ITGB4: variants seen among roughly 807,000 people sequenced by gnomAD.
ITGB4 encodes integrin subunit beta 4.
ITGB4 carries 159 observed loss-of-function variants against 207.6 expected under a neutral mutation model. The ratio of observed to expected loss-of-function variants is 0.77; its 90% CI spans 0.67 to 0.87. The LOEUF is 0.87. ITGB4 is among the 40% of genes least tolerant of loss of function. The pLI is 0.00. For synonymous variants in ITGB4, 1,020 were observed against 1,062.7 expected (o/e 0.96, Z 0.78); for missense variants, 2,278 against 2,546.8 (o/e 0.89, Z 2.27).
rs945785386 is a variant in ITGB4, at chr17:75,728,916, G to A, written c.567-349G>A. 4.0e-5 allele frequency among the ~76,000 whole-genome samples: 6 copies of A among 150,680 alleles called. No homozygotes were observed. In the East Asian group the frequency reaches 9.8e-4, roughly 25 times the overall value. ...GGAGAATGGCGTGAACCCGGGAGGC[G>A]GAGCTTGCAATGAGCCAGGATTGCG... On this transcript the variant is annotated intron_variant, in intron 6 of 39. Coordinates refer to ENST00000200181, the MANE Select transcript of ITGB4 (RefSeq NM_000213.5).
Position 75,753,852 on chromosome 17 carries a change from G to T in ITGB4, c.4196G>T (p.Arg1399Leu), listed in dbSNP as rs762521380. 1.4e-6 allele frequency: 2 copies of T among 1,393,880 alleles called. No individual in the cohort carries two copies. The highest frequency in any genetic ancestry group is 3.4e-5 in the South Asian group (2 of 58,774). The allele number at this position is 1,393,880 out of a possible 1,614,324, so 86.3% of individuals were successfully genotyped here. A position where few individuals can be genotyped will look rare whatever the true frequency, so the allele number is the denominator to read the frequency against. The change falls in exon 33 of 40, where the codon CGC becomes CTC. Residue 1399 changes from arginine to leucine, a missense_variant. Transcript: ENST00000200181. ...CGGCTGCCCCCGGAGCTCATCCCGC[G>T]CCTGTCGGCCAGCAGCGGGCGCTCC... The part of the protein sequence containing the change: ...TWRLPPELIP[R>L]LSASSGRSSD...
In ITGB4 at chr17:75,743,749, C is replaced by T. The variant is rs760686552; in HGVS notation, c.2999C>T (p.Ser1000Leu). ...DVVSFEQPEF[S>L]VSRGDQVARI... ...GTGTCCTTTGAGCAGCCTGAGTTCT[C>T]GGTCAGCCGCGGGGACCAGGTGGCC... Residue 1000 changes from serine to leucine, a missense_variant, in exon 26 of 40, where the codon TCG (serine) becomes TTG (leucine). By Grantham distance (145) the Ser-to-Leu change is moderately radical (BLOSUM62 -2). Transcript: ENST00000200181. 17 of 1,613,424 alleles carry T rather than the reference C, an allele frequency of 1.1e-5. No individual in the cohort carries two copies. The highest frequency in any genetic ancestry group is 3.3e-5 in the Admixed American group (2 of 60,000).
chr17:75,744,409 C>T (rs751399363), intron 26 of ITGB4, among the ~76,000 whole-genome samples: 7 of 151,604 alleles, frequency 4.6e-5, no homozygotes, highest in South Asian at 2.1e-4. Flanking sequence ...CGTGAGCCAC[C>T]GCGCCCGGCC....
In ITGB4 at chr17:75,743,773, C is replaced by T. The variant is rs1200540212; in HGVS notation, c.3023C>T (p.Ala1008Val). ...TCGGTCAGCCGCGGGGACCAGGTGGCCCGCATCCCTGTCATCCGGCGTGTC... is the reference window on the plus strand; with the variant it reads ...TCGGTCAGCCGCGGGGACCAGGTGGTCCGCATCCCTGTCATCCGGCGTGTC... Reference protein sequence around the residue: ...EFSVSRGDQVARIPVIRRVLD... With the variant: ...EFSVSRGDQVVRIPVIRRVLD... Residue 1008 changes from alanine to valine, a missense_variant, in exon 26 of 40, where the codon GCC (alanine) becomes GTC (valine). By Grantham distance (64) the Ala-to-Val change is moderately conservative. Transcript: ENST00000200181. 1.9e-6 allele frequency: 3 copies of T among 1,613,370 alleles called. No individual in the cohort carries two copies. Among genetic ancestry groups the T allele is most frequent in the Non-Finnish European group, 2.5e-6 (3 of 1,179,988 alleles).
Position 75,727,374 on chromosome 17 carries a change from C to A in ITGB4, c.163-30C>A, listed in dbSNP as rs765187788. 3.1e-6 allele frequency: 5 copies of A among 1,612,416 alleles called. No individual in the cohort carries two copies. In the East Asian group the frequency reaches 1.1e-4, roughly 36 times the overall value. ...TGGGGCAGCCAGGGAATGGGTGCTG[C>A]CCCCAGTGACCCCCTGTCCTTCTGG... is the stretch of plus-strand genomic sequence containing the variant. On this transcript the variant is annotated intron_variant, in intron 3 of 39. Transcript: ENST00000200181. This position sits in a 1 kb window ranked among gnomAD's most constrained non-coding sequence, Gnocchi z 6.0.
At position 75,742,731 on chromosome 17, in the gene ITGB4, C is replaced by G. The variant is rs778272708; in HGVS notation, c.2932C>G (p.Leu978Val). The change falls in exon 25 of 40, where the codon CTG (leucine) becomes GTG (valine). Residue 978 changes from leucine to valine, a missense_variant. Transcript: ENST00000200181. The surrounding 1 kb of genome is among the most constrained non-coding windows in gnomAD (Gnocchi z 5.9). ...PAGTATLGRR[L>V]VNITIIKEQA... ...AGGCACTGCCACCCTCGGCCGCCGC[C>G]TGGTAAACATCACCATCATCAAGGA... 8 of 1,612,320 alleles carry G rather than the reference C, an allele frequency of 5.0e-6. No individual in the cohort carries two copies. In the Admixed American group the frequency reaches 5.0e-5, roughly 10 times the overall value.
Position 75,727,481 on chromosome 17 carries a change from G to A in ITGB4, c.240G>A (p.Met80Ile). ...AGCQRESIVV[M>I]ESSFQITEET... The stretch of plus-strand genomic sequence containing the variant: ...GCCAGCGGGAGAGCATCGTGGTCAT[G>A]GAGAGCAGCTTCCAAATCACAGAGG... The change falls in exon 4 of 40, where the codon ATG (methionine) becomes ATA (isoleucine). Residue 80 changes from methionine to isoleucine, a missense_variant. By Grantham distance (10) the Met-to-Ile change is conservative (BLOSUM62 1). Coordinates refer to ENST00000200181, the MANE Select transcript of ITGB4 (RefSeq NM_000213.5). The surrounding 1 kb of genome is among the most constrained non-coding windows in gnomAD (Gnocchi z 6.0). 3 of 1,613,920 alleles carry A rather than the reference G, an allele frequency of 1.9e-6. No homozygotes were observed. Among genetic ancestry groups the A allele is most frequent in the Non-Finnish European group, 2.5e-6 (3 of 1,180,020 alleles).
At position 75,729,158 on chromosome 17, in the gene ITGB4, C is replaced by CAAAAAA. The variant is rs56375128; in HGVS notation, c.567-95_567-90dup. The CAAAAAA allele has an allele frequency of 1.8e-5, 14 of 789,392 alleles. No homozygotes were observed. Among genetic ancestry groups the CAAAAAA allele is most frequent in the African/African-American group, 1.9e-5 (1 of 51,454 alleles). 48.9% of individuals were successfully genotyped at this position (789,392 alleles called of 1,614,324 possible). A position where few individuals can be genotyped will look rare whatever the true frequency, so the allele number is the denominator to read the frequency against. On this transcript the variant is annotated intron_variant, in intron 6 of 39. Coordinates refer to ENST00000200181, the MANE Select transcript of ITGB4 (RefSeq NM_000213.5). The surrounding 1 kb of genome is among the most constrained non-coding windows in gnomAD (Gnocchi z 4.4). ...TGGGTGATAAAGCGAGACTTGGTCT[C>CAAAAAA]AAAAAAAAAAAAAAAAATTCTCCTT...
intron 30 of ITGB4, 118 bp from the exon 31 acceptor site, chr17:75,752,056 T>C: frequency 8.8e-7 from 1 of 1,141,266 alleles, no homozygotes; most frequent in Non-Finnish European, 1.3e-6. Flanking sequence ...GGCTTTGCCT[T>C]GCTTCCCCAG....
Position 75,750,976 on chromosome 17 carries a change from C to T in ITGB4, c.3658C>T (p.Pro1220Ser). Residue 1220 changes from proline (P) to serine (S), a missense_variant and splice_region_variant, in exon 30 of 40, where the codon CCC (proline) becomes TCC (serine). Pro to Ser is a moderately conservative substitution (Grantham distance 74). Transcript: ENST00000200181. This position sits in a 1 kb window ranked among gnomAD's most constrained non-coding sequence, Gnocchi z 5.5. ...TTCCTGTATTCCCCGCTCCCTAGTG[C>T]CCAGCGAGCCAGGGCGTCTGGCCTT... ...LVSCRTHQEV[P>S]SEPGRLAFNV... 1.9e-6 allele frequency: 3 copies of T among 1,613,706 alleles called. No homozygotes were observed. The highest frequency in any genetic ancestry group is 2.5e-6 in the Non-Finnish European group (3 of 1,180,014).
At position 75,731,073 on chromosome 17, in the gene ITGB4, A is replaced by G; in HGVS notation, c.1092+109A>G. ...CACGGTGGAGAAATGGGTCTGGGAC[A>G]GACCAGTGAGGAAGGGTCTCTAGCT... On this transcript the variant is annotated intron_variant, in intron 9 of 39. Transcript: ENST00000200181. This position sits in a 1 kb window ranked among gnomAD's most constrained non-coding sequence, Gnocchi z 6.8. 7.1e-7 allele frequency: 1 copy of G among 1,411,088 alleles called. No individual in the cohort carries two copies. The highest frequency in any genetic ancestry group is 1.4e-5 in the African/African-American group (1 of 70,614). 87.4% of individuals were successfully genotyped at this position (1,411,088 alleles called of 1,614,324 possible). A position where few individuals can be genotyped will look rare whatever the true frequency, so the allele number is the denominator to read the frequency against.
rs1448839951 is a variant in ITGB4 at position 75,756,439 on chromosome 17, T to C, written c.4719T>C (p.His1573=). 6.2e-7 allele frequency: 1 copy of C among 1,612,986 alleles called. No homozygotes were observed. The highest frequency in any genetic ancestry group is 1.3e-5 in the African/African-American group (1 of 74,838). Reference sequence around the variant, plus strand: ...ACCTGATCCCCCCAGGTGAGCTGCATCGGCTCAACATCCCCAACCCTGCCC... The same window carrying C: ...ACCTGATCCCCCCAGGTGAGCTGCACCGGCTCAACATCCCCAACCCTGCCC... ...EYQLLNGGEL[H]RLNIPNPAQT... Residue 1573 remains histidine (H), a synonymous_variant, in exon 36 of 40, where the codon CAT becomes CAC. Transcript: ENST00000200181.
At chr17:75,737,217 C>A in intron 16 of ITGB4, 105 bp from the exon 17 acceptor site, 1 of 1,417,466 alleles carries the variant, frequency 7.1e-7, no homozygotes, top group Non-Finnish European at 9.6e-7. Context: ...GAGGCCCTGC[C>A]GTGGGTGAGG....
rs771892204 is a variant in ITGB4 at position 75,735,994 on chromosome 17, G to A, written c.1658-57G>A. 2.9e-4 allele frequency: 449 copies of A among 1,554,474 alleles called. 1 individual carries two copies. The highest frequency in any genetic ancestry group is 1.7e-3 in the Middle Eastern group (10 of 5,984). On this transcript the variant is annotated intron_variant, in intron 13 of 39. Coordinates refer to ENST00000200181, the MANE Select transcript of ITGB4 (RefSeq NM_000213.5). ...ACAGGCCCTCCCTGCCAGGTGGGCA[G>A]CCTGGACTACAGGCACAGATGTAGC...
At chr17:75,755,885 G>T in intron 35 of ITGB4, 35 bp downstream of exon 35, 1 of 1,590,482 alleles carries the variant, frequency 6.3e-7, no homozygotes, top group East Asian at 2.3e-5. Context: ...GCGGGGTGCA[G>T]CCCTGCAAGG....
At position 75,731,881 on chromosome 17, in the gene ITGB4, G is replaced by T; in HGVS notation, c.1285G>T (p.Asp429Tyr). ...GACGCACGTGTGCCAGCTGCCGGAG[G>T]ACCAGAAGGGCAACATCCATCTGAA... is the stretch of plus-strand genomic sequence containing the variant. ...DGTHVCQLPE[D>Y]QKGNIHLKPS... Residue 429 changes from aspartate to tyrosine, a missense_variant, in exon 11 of 40, where the codon GAC becomes TAC. Asp to Tyr is a radical substitution (Grantham distance 160, BLOSUM62 -3). Coordinates refer to ENST00000200181, the MANE Select transcript of ITGB4 (RefSeq NM_000213.5). This position sits in a 1 kb window ranked among gnomAD's most constrained non-coding sequence, Gnocchi z 6.8. 1 of 1,613,980 alleles carries T rather than the reference G, an allele frequency of 6.2e-7. No individual in the cohort carries two copies. The highest frequency in any genetic ancestry group is 1.1e-5 in the South Asian group (1 of 91,074).
At position 75,750,275 on chromosome 17, in the gene ITGB4, C is replaced by CG. The variant is rs779852031; in HGVS notation, c.3474+13dup. On this transcript the variant is annotated splice_region_variant and intron_variant, in intron 28 of 39. Coordinates refer to ENST00000200181, the MANE Select transcript of ITGB4 (RefSeq NM_000213.5). The surrounding 1 kb of genome is among the most constrained non-coding windows in gnomAD (Gnocchi z 5.5). ...CAAGCCAATGGGGTACAGGGTAAGG[C>CG]GGGGGGCTGAGGGTCACGACAGGTG... The CG allele has an allele frequency of 5.6e-6, 9 of 1,606,612 alleles. No individual in the cohort carries two copies. Among genetic ancestry groups the CG allele is most frequent in the East Asian group, 4.5e-5 (2 of 44,740 alleles).
At position 75,757,519 on chromosome 17, in the gene ITGB4, T is replaced by C. The variant is rs747155019; in HGVS notation, c.5433T>C (p.Leu1811=). The C allele has an allele frequency of 3.1e-6, 5 of 1,613,280 alleles. No homozygotes were observed. The highest frequency in any genetic ancestry group is 3.3e-4 in the Middle Eastern group (2 of 6,082). The change falls in exon 40 of 40, where the codon CTT becomes CTC. Residue 1811 remains leucine, a synonymous_variant. Transcript: ENST00000200181. ...GGACACTGACCACCAGCGGAACCCT[T>C]AGCACCCACATGGACCAACAGTTCT... ...VSRTLTTSGT[L]STHMDQQFFQ...
At chr17:75,752,687 T>G in intron 32 of ITGB4, 110 bp downstream of exon 32, 169 of 1,398,322 alleles carry the variant, frequency 1.2e-4, no homozygotes, top group Middle Eastern at 1.8e-4. Flanking sequence ...ACATGGAGGT[T>G]AAGGCAGCCT....
Sources: allele counts gnomAD v4.1 joint callset (sites outside exome capture counted in the v4.1 genomes callset), GRCh38; gene constraint gnomAD v4.1.1; non-coding constraint Gnocchi (gnomAD v3.1); transcripts MANE v1.5; gene names NCBI Gene and HGNC (gene_info 2026-07-23, HGNC 2026-07-21).